The following SNAP23 variants were observed in gnomAD, a reference collection of about 807,000 sequenced individuals.
SNAP23 encodes synaptosomal-associated protein 23.
SNAP23 carries 11 observed loss-of-function variants against 29.0 expected under a neutral mutation model. That is an observed-to-expected ratio of 0.38 (90% CI 0.24 to 0.63). SNAP23 has a LOEUF of 0.63. Ranked by LOEUF, SNAP23 falls within the 20% of genes least tolerant of loss-of-function variation. The pLI is 0.58. For synonymous variants in SNAP23, 60 were observed against 82.9 expected, an observed-to-expected ratio of 0.72 and a Z score of 1.50; for missense variants, 220 against 253.9, an observed-to-expected ratio of 0.87 and a Z score of 0.91.
intron 5 of SNAP23, among the ~76,000 whole-genome samples, chr15:42,522,842 CTTT>C (rs5812226): frequency 7.7e-5 from 7 of 91,046 alleles, no homozygotes; most frequent in South Asian, 3.8e-4. Flanking sequence ...TAAAACTTGC[CTTT>C]TTTTTTTTTT....
At chr15:42,501,033 T>C (rs2057265370) in intron 1 of SNAP23, among the ~76,000 whole-genome samples, 1 of 152,332 alleles carries the variant, frequency 6.6e-6, no homozygotes, top group African/African-American at 2.4e-5. Flanking sequence ...TTACTTTCGA[T>C]GGCCTTTCAA....
At chr15:42,520,045 C>CTTTTTTTTT (rs201577060) in intron 5 of SNAP23, among the ~76,000 whole-genome samples, 5 of 92,978 alleles carry the variant, frequency 5.4e-5, no homozygotes, top group Admixed American at 1.3e-4. Flanking sequence ...AACCCCCTTG[C>CTTTTTTTTT]TTTTTTTTTT....
chr15:42,521,266 CA>C (rs2057447062), intron 5 of SNAP23, among the ~76,000 whole-genome samples: 1 of 152,062 alleles, frequency 6.6e-6, no homozygotes, highest in Non-Finnish European at 1.5e-5. Flanking sequence ...AAATAAAATA[CA>C]TAATAGAAGT....
At chr15:42,513,939 G>A (rs1259330297) in intron 4 of SNAP23, among the ~76,000 whole-genome samples, 1 of 151,934 alleles carries the variant, frequency 6.6e-6, no homozygotes, top group Non-Finnish European at 1.5e-5. Context: ...TCAGCTTCCT[G>A]AGTAGCTGAG....
At chr15:42,519,833 T>G (rs1259231170) in intron 5 of SNAP23, among the ~76,000 whole-genome samples, 1 of 152,100 alleles carries the variant, frequency 6.6e-6, no homozygotes, top group Non-Finnish European at 1.5e-5. Context: ...TATTTAATTA[T>G]GTGGTACTGT....
At chr15:42,505,257 G>C (rs939541279) in intron 1 of SNAP23, 1 of 152,118 alleles carries the variant, frequency 6.6e-6, no homozygotes, top group Non-Finnish European at 1.5e-5. Flanking sequence ...TAGAGCTGGG[G>C]TTTCACCGTA....
intron 5 of SNAP23, chr15:42,521,423 T>C: frequency 1.0e-6 from 1 of 975,574 alleles, no homozygotes. Flanking sequence ...GTTTAAATAG[T>C]TTTCTTATTT....
At chr15:42,508,671 T>C (rs534271272) in intron 1 of SNAP23, among the ~76,000 whole-genome samples, 2 of 152,204 alleles carry the variant, frequency 1.3e-5, no homozygotes, top group African/African-American at 4.8e-5. Flanking sequence ...CTTTCTTTTT[T>C]CTTTTAAAGA....
chr15:42,513,552 G>A (rs969947014), intron 4 of SNAP23, 105 bp downstream of exon 4: 1 of 836,018 alleles, frequency 1.2e-6, no homozygotes, highest in African/African-American at 1.7e-5. Context: ...CCTTCCCTTT[G>A]TAAAATAAGA....
chr15:42,511,792 T>A lies in SNAP23; in HGVS notation c.-14-41T>A, dbSNP rs1047979178. On this transcript the variant is annotated intron_variant, in intron 1 of 7. Coordinates refer to ENST00000249647, the MANE Select transcript of SNAP23 (RefSeq NM_003825.4). Reference sequence around the variant, plus strand: ...TCACACAAACTTTTATATATCCTTATTCTTATACAATATCCACATTTCCAT... The same window carrying A: ...TCACACAAACTTTTATATATCCTTAATCTTATACAATATCCACATTTCCAT... 3.2e-6 allele frequency: 4 copies of A among 1,264,060 alleles called. No homozygotes were observed. In the African/African-American group the frequency reaches 6.0e-5, roughly 19 times the overall value. The allele number at this position is 1,264,060 out of a possible 1,614,324, so 78.3% of individuals were successfully genotyped here. A position where few individuals can be genotyped will look rare whatever the true frequency, so the allele number is the denominator to read the frequency against.
intron 1 of SNAP23, among the ~76,000 whole-genome samples, chr15:42,504,854 G>C (rs755597094): frequency 1.3e-5 from 2 of 152,160 alleles, no homozygotes; most frequent in Non-Finnish European, 2.9e-5. Context: ...TCTTGCTGCG[G>C]ATGCATTGGT....
Position 42,531,817 on chromosome 15 carries a change from G to A in SNAP23, c.*339G>A, listed in dbSNP as rs1222901003. The A allele has an allele frequency of 5.6e-6, 1 of 180,126 alleles. No individual in the cohort carries two copies. The highest frequency in any genetic ancestry group is 1.2e-5 in the Non-Finnish European group (1 of 86,684). The allele number at this position is 180,126 out of a possible 1,614,324, so 11.2% of individuals were successfully genotyped here. On this transcript the variant is annotated 3_prime_UTR_variant, in exon 8 of 8. Transcript: ENST00000249647. The stretch of plus-strand genomic sequence containing the variant: ...AAAGACAGCCATGAAGAAGGAAGCT[G>A]TAGAGGTGTTTTTTGTTGTTGTTTA...
chr15:42,529,106 C>T (rs2057536927), intron 6 of SNAP23, among the ~76,000 whole-genome samples: 1 of 152,208 alleles, frequency 6.6e-6, no homozygotes, highest in South Asian at 2.1e-4. Context: ...TCAGGCCATA[C>T]AGTCCCTTGC....
chr15:42,494,943 C>T (rs1373458226), upstream of SNAP23, among the ~76,000 whole-genome samples: 1 of 152,154 alleles, frequency 6.6e-6, no homozygotes, highest in Non-Finnish European at 1.5e-5. Context: ...GCTTTCAGTG[C>T]CCCTAGTACA....
chr15:42,514,495 A>G (rs116280234), intron 4 of SNAP23, among the ~76,000 whole-genome samples: 1,534 of 152,138 alleles, frequency 0.01, 35 homozygotes, highest in African/African-American at 0.035. Context: ...AAGTTCTAAA[A>G]CAGATCTAGA....
intron 1 of SNAP23, among the ~76,000 whole-genome samples, chr15:42,502,238 A>G (rs1248735032): frequency 6.6e-6 from 1 of 151,908 alleles, no homozygotes; most frequent in East Asian, 1.9e-4. Flanking sequence ...GTTAGCCAGG[A>G]TGGTCTCGAT....
At chr15:42,512,287 T>C (rs2057363052) in intron 2 of SNAP23, 1 of 154,076 alleles carries the variant, frequency 6.5e-6, no homozygotes, top group Admixed American at 6.5e-5. Context: ...TTAAAAAAAC[T>C]TTTTCTTTCA....
intron 1 of SNAP23, among the ~76,000 whole-genome samples, chr15:42,498,528 C>T (rs2057242430): frequency 6.6e-6 from 1 of 152,174 alleles, no homozygotes; most frequent in Admixed American, 6.5e-5. Context: ...TCTGAGGCTG[C>T]CCACGAAACC....
intron 1 of SNAP23, among the ~76,000 whole-genome samples, chr15:42,503,784 T>C (rs1476103605): frequency 2.0e-5 from 3 of 152,178 alleles, no homozygotes; most frequent in African/African-American, 7.2e-5. Flanking sequence ...ATTACAAATG[T>C]GAGCCACTGC....
Sources: gnomAD v4.1 joint callset for allele counts (sites outside exome capture counted in the v4.1 genomes callset) on GRCh38, gnomAD v4.1.1 for gene constraint, MANE v1.5 for transcripts, NCBI Gene and HGNC (gene_info 2026-07-23, HGNC 2026-07-21) for gene names.